DCAF6: variants seen among roughly 807,000 people sequenced by gnomAD.
The protein encoded by DCAF6 is DDB1- and CUL4-associated factor 6.
DCAF6 carries 54 observed loss-of-function variants against 125.1 expected under a neutral mutation model. The observed-to-expected ratio is 0.43, with a 90% CI of 0.35 to 0.54. The LOEUF (loss-of-function observed/expected upper bound fraction) is 0.54. Among genes scored for constraint, DCAF6 ranks in the 20% least tolerant of loss-of-function variants. DCAF6 has a pLI of 0.01. For missense variants in DCAF6, 934 were observed against 1,161.7 expected (o/e 0.80, Z 2.85); for synonymous variants, 371 against 390.4 (o/e 0.95, Z 0.58).
chr1:167,989,436 CAG>C (rs1299994828), intron 5 of DCAF6, among the ~76,000 whole-genome samples: 2 of 152,068 alleles, frequency 1.3e-5, no homozygotes, highest in African/African-American at 2.4e-5. Flanking sequence ...TGAAATGAAG[CAG>C]AGAGTATAAA....
At chr1:167,975,812 C>A (rs1678061803) in intron 4 of DCAF6, among the ~76,000 whole-genome samples, 1 of 152,192 alleles carries the variant, frequency 6.6e-6, no homozygotes, top group Non-Finnish European at 1.5e-5. Flanking sequence ...CTTGGCCTCT[C>A]ACAGTGCCAA....
chr1:167,869,120 C>A, the DCAF6 span, among the ~76,000 whole-genome samples: 1 of 152,150 alleles, frequency 6.6e-6, no homozygotes, highest in Non-Finnish European at 1.5e-5. Context: ...GGCACATATG[C>A]CCGTACGAGT....
upstream of DCAF6, among the ~76,000 whole-genome samples, chr1:167,934,460 G>A (rs143473609): frequency 6.6e-6 from 1 of 152,180 alleles, no homozygotes; most frequent in African/African-American, 2.4e-5. Flanking sequence ...AATGTTAAAA[G>A]AACTAAAAGG....
At chr1:167,908,657 T>C in the DCAF6 span, among the ~76,000 whole-genome samples, 2 of 152,324 alleles carry the variant, frequency 1.3e-5, no homozygotes, top group East Asian at 3.9e-4. Flanking sequence ...TTGTACACCA[T>C]AAATATGTAC....
At chr1:167,959,627 A>G (rs985847656) in intron 2 of DCAF6, among the ~76,000 whole-genome samples, 2 of 152,220 alleles carry the variant, frequency 1.3e-5, no homozygotes, top group African/African-American at 2.4e-5. Flanking sequence ...CCCTGATAAC[A>G]TAGGATGTGG....
chr1:167,935,731 A>G, upstream of DCAF6: 5 of 1,558,070 alleles, frequency 3.2e-6, no homozygotes, highest in Non-Finnish European at 4.3e-6. Context: ...AGGGTCCATT[A>G]CCTGCTGGAT....
chr1:167,948,890 G>A (rs1460099422), intron 1 of DCAF6, among the ~76,000 whole-genome samples: 1 of 152,176 alleles, frequency 6.6e-6, no homozygotes, highest in Non-Finnish European at 1.5e-5. Flanking sequence ...GACTTCAGGT[G>A]ATCCACCCAC....
intron 21 of DCAF6, among the ~76,000 whole-genome samples, chr1:168,073,467 C>A (rs1260853643): frequency 6.6e-6 from 1 of 152,164 alleles, no homozygotes; most frequent in East Asian, 1.9e-4. Context: ...ATTTCAGAAG[C>A]CACTGTCACT....
At chr1:168,027,530 AC>A (rs1686497523) in intron 12 of DCAF6, among the ~76,000 whole-genome samples, 1 of 152,144 alleles carries the variant, frequency 6.6e-6, no homozygotes, top group Non-Finnish European at 1.5e-5. Context: ...CATACTTTTA[AC>A]AAAACACGAA....
chr1:167,899,279 G>T, the DCAF6 span: 1 of 801,382 alleles, frequency 1.2e-6, no homozygotes, highest in Non-Finnish European at 2.1e-6. Context: ...CTGGACTAAA[G>T]CCTCTGTAGC....
chr1:168,039,972 C>A (rs146472284), intron 13 of DCAF6, among the ~76,000 whole-genome samples: 1 of 151,594 alleles, frequency 6.6e-6, no homozygotes, highest in East Asian at 1.9e-4. Context: ...TACTTAAAAC[C>A]CCTGCCTTAT....
intron 7 of DCAF6, among the ~76,000 whole-genome samples, chr1:168,002,054 G>A (rs188227132): frequency 7.9e-5 from 12 of 152,248 alleles, no homozygotes; most frequent in African/African-American, 2.6e-4. Flanking sequence ...TGAGTAAATT[G>A]TCAATAATAA....
At chr1:168,052,219 A>G (rs1265241684) in intron 17 of DCAF6, among the ~76,000 whole-genome samples, 2 of 152,206 alleles carry the variant, frequency 1.3e-5, no homozygotes, top group Non-Finnish European at 2.9e-5. Context: ...ATGACAATAA[A>G]ATGGAATTTG....
chr1:167,966,550 G>A, intron 2 of DCAF6, 79 bp from the exon 3 acceptor site: 1 of 901,220 alleles, frequency 1.1e-6, no homozygotes, highest in East Asian at 2.4e-5. Flanking sequence ...TAAAAATTTT[G>A]TACCGCCAGG....
intron 2 of DCAF6, among the ~76,000 whole-genome samples, chr1:167,956,599 C>T (rs6683293): frequency 0.015 from 2,292 of 152,074 alleles, 53 homozygotes; most frequent in African/African-American, 0.051. Flanking sequence ...CTTCTGCAGA[C>T]TTTGGGTTTC....
At chr1:167,916,020 G>C in the DCAF6 span, among the ~76,000 whole-genome samples, 51 of 151,866 alleles carry the variant, frequency 3.4e-4, no homozygotes, top group Non-Finnish European at 6.9e-4. Flanking sequence ...TCAAAAAGCT[G>C]TGATAAAGAA....
At chr1:167,976,099 T>A (rs537896236) in intron 4 of DCAF6, among the ~76,000 whole-genome samples, 2 of 152,316 alleles carry the variant, frequency 1.3e-5, no homozygotes, top group South Asian at 2.1e-4. Flanking sequence ...TATATTTGGA[T>A]TTGTTTCTAT....
chr1:168,024,193 G>T (rs1348648016), intron 12 of DCAF6: 1 of 149,962 alleles, frequency 6.7e-6, no homozygotes, highest in South Asian at 2.1e-4. Flanking sequence ...CTCCAGCCTG[G>T]GTGACAGAGT....
chr1:168,065,868 AG>A, intron 19 of DCAF6, 122 bp downstream of exon 19: 1 of 833,394 alleles, frequency 1.2e-6, no homozygotes, highest in Middle Eastern at 3.3e-4. Flanking sequence ...ACTAGGCAGC[AG>A]TAGAGTCAAT....
Sources: allele counts gnomAD v4.1 joint callset (sites outside exome capture counted in the v4.1 genomes callset), GRCh38; gene constraint gnomAD v4.1.1; transcripts MANE v1.5; gene names NCBI Gene and HGNC (gene_info 2026-07-23, HGNC 2026-07-21).